The following BAZ1A variants were observed in gnomAD, a reference collection of about 807,000 sequenced individuals.
The protein encoded by BAZ1A is bromodomain adjacent to zinc finger domain protein 1A.
BAZ1A carries 50 observed loss-of-function variants against 185.2 expected under a neutral mutation model. The ratio of observed to expected loss-of-function variants is 0.27; its 90% confidence interval spans 0.22 to 0.34. BAZ1A has a LOEUF of 0.34. Among genes scored for constraint, BAZ1A ranks in the 10% least tolerant of loss-of-function variants. The pLI, the probability that BAZ1A is intolerant of heterozygous loss-of-function variation, is 1.00. For missense variants in BAZ1A, 1,356 were observed against 1,839.9 expected, an observed-to-expected ratio of 0.74 and a Z score of 4.81; for synonymous variants, 571 against 615.6, an observed-to-expected ratio of 0.93 and a Z score of 1.07.
chr14:34,856,650 G>A (rs1054048242), intron 3 of BAZ1A, among the ~76,000 whole-genome samples: 2 of 151,852 alleles, frequency 1.3e-5, no homozygotes, highest in Non-Finnish European at 2.9e-5. Flanking sequence ...CTGAGGTCAG[G>A]AGTTCAAGAC....
chr14:34,765,555 T>C (rs1018788434), intron 21 of BAZ1A, among the ~76,000 whole-genome samples: 1 of 152,224 alleles, frequency 6.6e-6, no homozygotes, highest in African/African-American at 2.4e-5. Flanking sequence ...CAATCTAGTC[T>C]TTGTATCAAA....
Position 34,874,434 on chromosome 14 carries a change from A to T in BAZ1A, c.113+58T>A. On this transcript the variant is annotated intron_variant, in intron 2 of 26. Transcript: ENST00000360310. This position sits in a 1 kb window ranked among gnomAD's most constrained non-coding sequence, Gnocchi z 4.7. ...GCGAGGAAAAGGAGAGAGACAAAAG[A>T]GCGCTGCGGGGGGAGTCCCCACACC... 1.4e-6 allele frequency: 2 copies of T among 1,465,698 alleles called. No homozygotes were observed. The highest frequency in any genetic ancestry group is 1.9e-6 in the Non-Finnish European group (2 of 1,049,412). The allele number at this position is 1,465,698 out of a possible 1,614,324, so 90.8% of individuals were successfully genotyped here. A position where few individuals can be genotyped will look rare whatever the true frequency, so the allele number is the denominator to read the frequency against.
intron 5 of BAZ1A, 97 bp downstream of exon 5, chr14:34,810,838 T>C (rs2041919094): frequency 1.2e-6 from 1 of 817,934 alleles, no homozygotes. Flanking sequence ...AGGAAAGCAA[T>C]CACAGTACTT....
At chr14:34,820,751 A>G (rs909334011) in intron 4 of BAZ1A, among the ~76,000 whole-genome samples, 1 of 109,268 alleles carries the variant, frequency 9.2e-6, no homozygotes. Flanking sequence ...TATAAAGTCT[A>G]TGTCTAGATT....
rs182425336 is a variant in BAZ1A, at chr14:34,774,858, G to A, written c.2834-368C>T. ...TAAAAAGACAACCCAATTTAAAAAT[G>A]GGCAAAGGATCTGAATAGATATTTA... is the stretch of plus-strand genomic sequence containing the variant. On this transcript the variant is annotated intron_variant, in intron 18 of 26. Coordinates refer to ENST00000360310, the MANE Select transcript of BAZ1A (RefSeq NM_013448.3). Among the ~76,000 whole-genome samples the A allele has an allele frequency of 2.6e-4, 40 of 152,262 alleles. No individual in the cohort carries two copies. The East Asian group carries it at 5.8e-3, about 22-fold the overall frequency.
chr14:34,765,378 T>C, intron 21 of BAZ1A, 110 bp from the exon 22 acceptor site: 1 of 1,330,082 alleles, frequency 7.5e-7, no homozygotes, highest in Non-Finnish European at 1.0e-6. Context: ...TTTCTTTTCT[T>C]CTGATACTTA....
chr14:34,752,774 T>C lies in BAZ1A; in HGVS notation c.*734A>G, dbSNP rs1009033948. 6.6e-6 allele frequency: 1 copy of C among 152,194 alleles called. No homozygotes were observed. The highest frequency in any genetic ancestry group is 2.4e-5 in the African/African-American group (1 of 41,460). 9.4% of individuals were successfully genotyped at this position (152,194 alleles called of 1,614,324 possible). The stretch of plus-strand genomic sequence containing the variant: ...TTTTATTTGTACAGTTAAAAAGTTA[T>C]ACATAGAAACTTATAATACAGTTCT... On this transcript the variant is annotated 3_prime_UTR_variant, in exon 27 of 27. Coordinates refer to ENST00000360310, the MANE Select transcript of BAZ1A (RefSeq NM_013448.3).
chr14:34,844,191 G>A (rs1433480665), intron 3 of BAZ1A, among the ~76,000 whole-genome samples: 11 of 135,326 alleles, frequency 8.1e-5, no homozygotes, highest in African/African-American at 3.2e-4. Flanking sequence ...GGGCGACAGA[G>A]CGAGACTCCG....
chr14:34,856,414 G>A (rs1398400260), intron 3 of BAZ1A, among the ~76,000 whole-genome samples: 1 of 151,484 alleles, frequency 6.6e-6, no homozygotes, highest in East Asian at 1.9e-4. Flanking sequence ...CTCCTGAGTA[G>A]CTAGGACTAC....
At chr14:34,817,323 C>T (rs559319539) in intron 4 of BAZ1A, among the ~76,000 whole-genome samples, 4 of 152,242 alleles carry the variant, frequency 2.6e-5, no homozygotes, top group South Asian at 2.1e-4. Context: ...CACAGTGGCT[C>T]ATGCCTGTAA....
intron 20 of BAZ1A, 65 bp downstream of exon 20, chr14:34,773,507 A>C: frequency 7.1e-7 from 1 of 1,413,286 alleles, no homozygotes. Context: ...AAAAACCAAA[A>C]AAAAAAAAAA....
chr14:34,836,025 T>C lies in BAZ1A; in HGVS notation c.393-9869A>G, dbSNP rs1378222119. ...ATGTATATACCTTCCGCTAAAAAGC[T>C]ATTTTTAGTAGCCATTTAAATTTAT... On this transcript the variant is annotated intron_variant, in intron 3 of 26. Coordinates refer to ENST00000360310, the MANE Select transcript of BAZ1A (RefSeq NM_013448.3). 5.3e-5 allele frequency among the ~76,000 whole-genome samples: 8 copies of C among 151,936 alleles called. No individual in the cohort carries two copies. The East Asian group carries it at 1.5e-3, about 29-fold the overall frequency.
intron 3 of BAZ1A, among the ~76,000 whole-genome samples, chr14:34,860,796 G>A (rs1008795788): frequency 7.2e-5 from 11 of 151,844 alleles, no homozygotes; most frequent in African/African-American, 2.7e-4. Flanking sequence ...TACTCAGGAG[G>A]CTGAGGCATA....
intron 14 of BAZ1A, among the ~76,000 whole-genome samples, chr14:34,784,367 C>CAAAAAAAA (rs368815964): frequency 2.6e-5 from 2 of 77,190 alleles, no homozygotes; most frequent in African/African-American, 6.1e-5. Context: ...GACTCTGTCT[C>CAAAAAAAA]AAAAAAAAAA....
chr14:34,793,970 AAAAAG>A (rs1881032158), intron 11 of BAZ1A, among the ~76,000 whole-genome samples: 1 of 151,860 alleles, frequency 6.6e-6, no homozygotes, highest in African/African-American at 2.4e-5. Flanking sequence ...AAAAGAAAAA[AAAAAG>A]AAAAAAATTA....
intron 16 of BAZ1A, among the ~76,000 whole-genome samples, chr14:34,781,157 A>C (rs1045987157): frequency 1.6e-4 from 24 of 152,376 alleles, no homozygotes; most frequent in Middle Eastern, 3.4e-3. Context: ...GCAAGTTCTA[A>C]TGTAAGGACA....
At chr14:34,825,079 AT>A (rs1230111213) in intron 4 of BAZ1A, among the ~76,000 whole-genome samples, 1 of 152,192 alleles carries the variant, frequency 6.6e-6, no homozygotes, top group African/African-American at 2.4e-5. Flanking sequence ...AATTGTCTGA[AT>A]TTTAGGTGGT....
At chr14:34,787,260 G>A (rs1321673466) in intron 12 of BAZ1A, among the ~76,000 whole-genome samples, 1 of 149,102 alleles carries the variant, frequency 6.7e-6, no homozygotes, top group Non-Finnish European at 1.5e-5. Flanking sequence ...GGCTGAGGCA[G>A]GAGAATCACT....
chr14:34,802,839 C>T lies in BAZ1A; in HGVS notation c.861+15G>A. 6.2e-7 allele frequency: 1 copy of T among 1,603,074 alleles called. No homozygotes were observed. Among genetic ancestry groups the T allele is most frequent in the Non-Finnish European group, 8.5e-7 (1 of 1,175,132 alleles). ...CTAACAGTGAAAATGTAGTTTTAAT[C>T]AATTCTGTACTTACTTGACTAATAT... On this transcript the variant is annotated intron_variant, in intron 7 of 26. Transcript: ENST00000360310.
Sources: allele counts gnomAD v4.1 joint callset (sites outside exome capture counted in the v4.1 genomes callset), GRCh38; gene constraint gnomAD v4.1.1; non-coding constraint Gnocchi (gnomAD v3.1); transcripts MANE v1.5; gene names NCBI Gene and HGNC (gene_info 2026-07-23, HGNC 2026-07-21).